Variants in DOCK8 observed in about 807,000 individuals in gnomAD.
DOCK8 encodes the protein dedicator of cytokinesis 8.
DOCK8 carries 141 observed loss-of-function variants against 245.6 expected under a neutral mutation model. That is an observed-to-expected ratio of 0.57 (90% confidence interval 0.50 to 0.66). The LOEUF (loss-of-function observed/expected upper bound fraction) is 0.66. DOCK8 is among the 30% of genes least tolerant of loss of function. The pLI is 0.00. For missense variants in DOCK8, 2,965 were observed against 2,603.4 expected (o/e 1.14, Z -3.02); for synonymous variants, 1,168 against 970.2 (o/e 1.20, Z -3.79).
rs1165317581 is a variant in DOCK8 at position 407,724 on chromosome 9, A to G, written c.3530+655A>G. ...ACAGCCTATCTGATTGGACTGAAAA[A>G]GATAATGCCTTCTAAAATATTATTC... On this transcript the variant is annotated intron_variant, in intron 28 of 47. Coordinates refer to ENST00000432829, the MANE Select transcript of DOCK8 (RefSeq NM_203447.4). Among the ~76,000 whole-genome samples the G allele has an allele frequency of 2.6e-5, 4 of 152,210 alleles. No individual in the cohort carries two copies. The East Asian group carries it at 7.7e-4, about 29-fold the overall frequency.
At chr9:290,546 C>A (rs1342595704) in intron 4 of DOCK8, among the ~76,000 whole-genome samples, 2 of 152,180 alleles carry the variant, frequency 1.3e-5, no homozygotes, top group Admixed American at 6.5e-5. Context: ...TCTTTCTCTC[C>A]TGGATTAATC....
chr9:212,804 A>C (rs1443340054), upstream of DOCK8: 1 of 152,192 alleles, frequency 6.6e-6, no homozygotes, highest in Non-Finnish European at 1.5e-5. Context: ...CCTTGATTGC[A>C]AATGCTGAAA....
intron 1 of DOCK8, among the ~76,000 whole-genome samples, chr9:263,763 A>G (rs1259630495): frequency 6.6e-6 from 1 of 152,200 alleles, no homozygotes; most frequent in Non-Finnish European, 1.5e-5. Context: ...AGCACTTTGA[A>G]GATGTCATTG....
chr9:399,955 C>T (rs1417900150), intron 26 of DOCK8, among the ~76,000 whole-genome samples: 1 of 150,958 alleles, frequency 6.6e-6, no homozygotes, highest in Non-Finnish European at 1.5e-5. Context: ...AGTCCCATGC[C>T]CACTATCACC....
chr9:443,541 A>G, intron 43 of DOCK8, 25 bp downstream of exon 43: 4 of 1,571,680 alleles, frequency 2.5e-6, no homozygotes, highest in Non-Finnish European at 3.5e-6. Context: ...ACAAAAACTA[A>G]CCATCAAGCT....
rs528604870 is a variant in DOCK8 at position 405,772 on chromosome 9, T to C, written c.3390+699T>C. The stretch of plus-strand genomic sequence containing the variant: ...CAAAAGTGAAGGCTTGTCTTACTAA[T>C]TGAAAAAAAAATCTTAGCCATATAT... On this transcript the variant is annotated intron_variant, in intron 27 of 47. Transcript: ENST00000432829. Among the ~76,000 whole-genome samples the C allele has an allele frequency of 7.9e-5, 12 of 152,294 alleles. No homozygotes were observed. In the East Asian group the frequency reaches 1.3e-3, roughly 17 times the overall value.
At chr9:429,913 A>T in intron 36 of DOCK8, 59 bp downstream of exon 36, 3 of 1,595,540 alleles carry the variant, frequency 1.9e-6, no homozygotes, top group Non-Finnish European at 2.6e-6. Context: ...GATGTAAAGC[A>T]TCAGCTGCGA....
At chr9:451,361 G>T (rs1056525486) in intron 45 of DOCK8, among the ~76,000 whole-genome samples, 1 of 151,828 alleles carries the variant, frequency 6.6e-6, no homozygotes, top group Non-Finnish European at 1.5e-5. Context: ...TGGTGCGCAC[G>T]CCTGTAATCC....
intron 25 of DOCK8, among the ~76,000 whole-genome samples, chr9:398,761 G>GA (rs1439307700): frequency 6.7e-6 from 1 of 149,330 alleles, no homozygotes; most frequent in Non-Finnish European, 1.5e-5. Context: ...CTGTCTCATT[G>GA]AAAACAGTAA....
intron 1 of DOCK8, among the ~76,000 whole-genome samples, chr9:223,167 T>C (rs2046921221): frequency 6.6e-6 from 1 of 152,228 alleles, no homozygotes; most frequent in Non-Finnish European, 1.5e-5. Context: ...CAAAATTCAT[T>C]GTTCTTCTGT....
At chr9:240,158 A>G (rs1203585526) in intron 1 of DOCK8, among the ~76,000 whole-genome samples, 5 of 152,216 alleles carry the variant, frequency 3.3e-5, no homozygotes, top group Admixed American at 6.5e-5. Context: ...TTTTACTTAT[A>G]ACATCCCTGA....
chr9:361,627 A>G (rs934853352), intron 14 of DOCK8, among the ~76,000 whole-genome samples: 1 of 152,204 alleles, frequency 6.6e-6, no homozygotes, highest in Non-Finnish European at 1.5e-5. Flanking sequence ...CTCCCCTGGT[A>G]TAAAAGCAGC....
chr9:392,137 TAAA>T (rs79584385), intron 24 of DOCK8, among the ~76,000 whole-genome samples: 2 of 124,708 alleles, frequency 1.6e-5, no homozygotes, highest in Non-Finnish European at 1.7e-5. Flanking sequence ...AAACTCCATC[TAAA>T]AAAAAAAAAA....
At chr9:457,815 G>C (rs965224368) in intron 46 of DOCK8, among the ~76,000 whole-genome samples, 1 of 152,254 alleles carries the variant, frequency 6.6e-6, no homozygotes, top group African/African-American at 2.4e-5. Flanking sequence ...GGCTTCAGCT[G>C]TGTGCAGGGA....
rs7049010 is a variant in DOCK8 at position 289,348 on chromosome 9, C to G, written c.333-162C>G. 0.04 allele frequency among the ~76,000 whole-genome samples: 6,139 copies of G among 152,200 alleles called. 271 individuals carry two copies. Among genetic ancestry groups the G allele is most frequent in the African/African-American group, 0.11 (4,495 of 41,518 alleles). On this transcript the variant is annotated intron_variant, in intron 3 of 47. Coordinates refer to ENST00000432829, the MANE Select transcript of DOCK8 (RefSeq NM_203447.4). ...CTCATCAAAGTAAAAATGTTTATTG[C>G]CCCAGGAATACTTCAGACATTTGGA...
chr9:423,824 G>C (rs2056376806), intron 33 of DOCK8, among the ~76,000 whole-genome samples: 1 of 152,220 alleles, frequency 6.6e-6, no homozygotes, highest in African/African-American at 2.4e-5. Context: ...AGGTGGTTTA[G>C]CTCATCTACT....
intron 24 of DOCK8, among the ~76,000 whole-genome samples, chr9:395,062 A>C (rs998103991): frequency 6.6e-6 from 1 of 152,194 alleles, no homozygotes; most frequent in African/African-American, 2.4e-5. Context: ...TATCTTCTTA[A>C]GTCCTTTGTT....
rs115293955 is a variant in DOCK8 at position 340,099 on chromosome 9, C to T, written c.1517-60C>T. On this transcript the variant is annotated intron_variant, in intron 13 of 47. Coordinates refer to ENST00000432829, the MANE Select transcript of DOCK8 (RefSeq NM_203447.4). ...AAAGAAACACAGTGCAACAATCTTT[C>T]TTGATTCCCTCATAACATGACAGTT... The T allele has an allele frequency of 2.2e-3, 3,527 of 1,575,318 alleles. 61 individuals are homozygous for T. The African/African-American group carries it at 0.036, about 16-fold the overall frequency.
intron 45 of DOCK8, among the ~76,000 whole-genome samples, chr9:450,854 C>G (rs1477662367): frequency 1.3e-5 from 2 of 150,900 alleles, no homozygotes; most frequent in African/African-American, 4.9e-5. Flanking sequence ...AGCAGTTATG[C>G]AAAATGATGT....
Sources: allele counts gnomAD v4.1 joint callset (sites outside exome capture counted in the v4.1 genomes callset), GRCh38; gene constraint gnomAD v4.1.1; transcripts MANE v1.5; gene names NCBI Gene and HGNC (gene_info 2026-07-23, HGNC 2026-07-21).